Variants in UEVLD observed in about 807,000 individuals in gnomAD.
UEVLD encodes the protein UEV and lactate/malate dehyrogenase domains, also known as ubiquitin-conjugating enzyme E2 variant 3.
UEVLD carries 47 observed loss-of-function variants against 58.6 expected under a neutral mutation model. That is an observed-to-expected ratio of 0.80 (90% CI 0.63 to 1.02). UEVLD has a LOEUF of 1.02. Ranked by LOEUF, UEVLD falls within the 50% of genes least tolerant of loss-of-function variation. UEVLD has a pLI of 0.00. For missense variants in UEVLD, 510 were observed against 550.6 expected (o/e 0.93, Z 0.74); for synonymous variants, 197 against 195.3 (o/e 1.01, Z -0.07).
intron 7 of UEVLD, among the ~76,000 whole-genome samples, chr11:18,554,392 A>ATT (rs34857682): frequency 0.2 from 21,406 of 107,470 alleles, 2,713 homozygotes; most frequent in East Asian, 0.27. Flanking sequence ...GTGCCTGGCC[A>ATT]TTTTTTTTTT....
rs973232466 is a variant in UEVLD at position 18,575,489 on chromosome 11, CAT to C, written c.128-79_128-78del. 1.2e-4 allele frequency: 166 copies of C among 1,381,958 alleles called. 3 individuals are homozygous for C. The highest frequency in any genetic ancestry group is 6.7e-4 in the South Asian group (52 of 77,780). The allele number at this position is 1,381,958 out of a possible 1,614,324, so 85.6% of individuals were successfully genotyped here. On this transcript the variant is annotated intron_variant, in intron 2 of 11. Coordinates refer to ENST00000396197, the MANE Select transcript of UEVLD (RefSeq NM_001040697.4). ...CTGTAGTAAAGTATGTAAGTGTGCACATGTGTGTGCTCATGAATATACACACA... is the reference window on the plus strand; with the variant it reads ...CTGTAGTAAAGTATGTAAGTGTGCACGTGTGTGCTCATGAATATACACACA...
intron 1 of UEVLD, among the ~76,000 whole-genome samples, chr11:18,588,330 G>A (rs1385673454): frequency 6.6e-6 from 1 of 152,176 alleles, no homozygotes; most frequent in African/African-American, 2.4e-5. Context: ...GAAAGGCGTG[G>A]TTAGGCGTGT....
intron 9 of UEVLD, chr11:18,538,929 C>G (rs1850933469): frequency 6.6e-6 from 1 of 151,370 alleles, no homozygotes; most frequent in Admixed American, 6.6e-5. Context: ...TACTTGGAGG[C>G]TGAGGCAGGA....
chr11:18,549,545 A>G (rs1851438710), intron 7 of UEVLD, among the ~76,000 whole-genome samples: 1 of 151,800 alleles, frequency 6.6e-6, no homozygotes, highest in African/African-American at 2.4e-5. Flanking sequence ...CAGCTTCCCT[A>G]GTAGCTGGGA....
intron 8 of UEVLD, among the ~76,000 whole-genome samples, chr11:18,545,803 T>C (rs180931179): frequency 6.6e-5 from 10 of 152,276 alleles, no homozygotes; most frequent in African/African-American, 1.9e-4. Flanking sequence ...CCTAGAACAG[T>C]TAAGTGAGGA....
intron 7 of UEVLD, among the ~76,000 whole-genome samples, chr11:18,555,885 G>A (rs1379653527): frequency 6.6e-6 from 1 of 151,938 alleles, no homozygotes; most frequent in Admixed American, 6.6e-5. Flanking sequence ...GGAGTTTGAG[G>A]TTACAATAAG....
intron 10 of UEVLD, among the ~76,000 whole-genome samples, chr11:18,535,822 G>A (rs1850768290): frequency 6.6e-6 from 1 of 152,048 alleles, no homozygotes; most frequent in Non-Finnish European, 1.5e-5. Flanking sequence ...TAAGTGGTGT[G>A]GACAAATTAT....
intron 9 of UEVLD, among the ~76,000 whole-genome samples, chr11:18,543,690 G>A (rs528419938): frequency 9.6e-4 from 146 of 152,228 alleles, no homozygotes; most frequent in Non-Finnish European, 1.7e-3. Flanking sequence ...AACAAAATCA[G>A]GGTGAACAGC....
At chr11:18,567,319 G>A (rs888523962) in intron 4 of UEVLD, among the ~76,000 whole-genome samples, 5 of 152,176 alleles carry the variant, frequency 3.3e-5, no homozygotes, top group Non-Finnish European at 7.3e-5. Context: ...AGCAATAAAT[G>A]AGTCAATGAA....
At chr11:18,556,438 A>G (rs954644077) in intron 7 of UEVLD, among the ~76,000 whole-genome samples, 1 of 152,240 alleles carries the variant, frequency 6.6e-6, no homozygotes, top group Admixed American at 6.5e-5. Flanking sequence ...TAACTTTTAC[A>G]ACTGATAGGT....
intron 11 of UEVLD, among the ~76,000 whole-genome samples, chr11:18,533,236 C>T (rs1284222231): frequency 6.6e-6 from 1 of 151,998 alleles, no homozygotes; most frequent in Non-Finnish European, 1.5e-5. Context: ...TTAATAATCA[C>T]ACTCACCCTA....
chr11:18,545,074 A>ATATATTTT (rs1345787784), intron 8 of UEVLD, among the ~76,000 whole-genome samples: 3 of 84,572 alleles, frequency 3.5e-5, no homozygotes, highest in African/African-American at 1.2e-4. Flanking sequence ...CTATATCTAT[A>ATATATTTT]TTTTTTTTTT....
intron 8 of UEVLD, among the ~76,000 whole-genome samples, chr11:18,545,046 CTATATCTA>C (rs1053548790): frequency 6.5e-5 from 1 of 15,312 alleles, no homozygotes; most frequent in African/African-American, 1.8e-4. Flanking sequence ...GTATATCTAT[CTATATCTA>C]TATCTATATC....
rs375056679 is a variant in UEVLD, at chr11:18,588,600, G to A, written c.42+13C>T. On this transcript the variant is annotated intron_variant, in intron 1 of 11. Coordinates refer to ENST00000396197, the MANE Select transcript of UEVLD (RefSeq NM_001040697.4). ...CCCTGAGGACCCAAACTGGCCCAGC[G>A]GACTGCCCGCACCTTGCCAAGCAGC... 7 of 1,609,542 alleles carry A rather than the reference G, an allele frequency of 4.3e-6. No homozygotes were observed. Among genetic ancestry groups the A allele is most frequent in the Non-Finnish European group, 5.9e-6 (7 of 1,179,646 alleles).
intron 9 of UEVLD, chr11:18,539,173 A>G (rs528762241): frequency 6.7e-6 from 1 of 149,622 alleles, no homozygotes; most frequent in East Asian, 2.0e-4. Context: ...CCAGGTTCAA[A>G]CAATTCTCCT....
chr11:18,532,543 A>G (rs1311117755), intron 11 of UEVLD, 56 bp from the exon 12 acceptor site: 8 of 1,366,282 alleles, frequency 5.9e-6, no homozygotes, highest in Non-Finnish European at 7.9e-6. Context: ...AGAAGTTAAT[A>G]CAAAAATGCA....
chr11:18,537,007 C>T (rs1379358210), intron 9 of UEVLD, among the ~76,000 whole-genome samples: 3 of 149,672 alleles, frequency 2.0e-5, no homozygotes, highest in Admixed American at 6.7e-5. Context: ...GCAATTCTCA[C>T]GCCTCAGCCT....
rs559188706 is a variant in UEVLD at position 18,556,612 on chromosome 11, T to C, written c.715+1616A>G. Among the ~76,000 whole-genome samples the C allele has an allele frequency of 1.3e-4, 20 of 152,244 alleles. No homozygotes were observed. The East Asian group carries it at 3.7e-3, about 28-fold the overall frequency. The stretch of plus-strand genomic sequence containing the variant: ...GCATGTTATAATCCGACCTTACCCA[T>C]AACTTGGTAGAAAGGCTTTAGGAAA... On this transcript the variant is annotated intron_variant, in intron 7 of 11. Coordinates refer to ENST00000396197, the MANE Select transcript of UEVLD (RefSeq NM_001040697.4).
intron 9 of UEVLD, among the ~76,000 whole-genome samples, chr11:18,540,273 A>ATAAAAATCC (rs1850998549): frequency 6.6e-6 from 1 of 152,240 alleles, no homozygotes; most frequent in Non-Finnish European, 1.5e-5. Context: ...CCTCCTTCAC[A>ATAAAAATCC]GAGTGTTTAT....
Sources: allele counts gnomAD v4.1 joint callset (sites outside exome capture counted in the v4.1 genomes callset), GRCh38; gene constraint gnomAD v4.1.1; transcripts MANE v1.5; gene names NCBI Gene and HGNC (gene_info 2026-07-23, HGNC 2026-07-21).